PBX3: variants seen among roughly 807,000 people sequenced by gnomAD.
PBX3 encodes pre-B-cell leukemia transcription factor 3.
A neutral mutation model predicts 48.5 loss-of-function variants in PBX3; 14 were observed. The ratio of observed to expected loss-of-function variants is 0.29; its 90% CI spans 0.19 to 0.45. The LOEUF is 0.45. Among genes scored for constraint, PBX3 ranks in the 20% least tolerant of loss-of-function variants. The pLI is 1.00. For missense variants in PBX3, 386 were observed against 546.7 expected (o/e 0.71, Z 2.93); for synonymous variants, 210 against 200.3 (o/e 1.05, Z -0.41).
intron 2 of PBX3, among the ~76,000 whole-genome samples, chr9:125,831,427 GT>G (rs573089500): frequency 4.0e-4 from 57 of 143,758 alleles, no homozygotes; most frequent in Middle Eastern, 7.3e-3. Flanking sequence ...TAGCCAGAAT[GT>G]TTTTTTTTTT....
chr9:125,934,256 C>T (rs1029510848), intron 4 of PBX3, among the ~76,000 whole-genome samples: 1 of 152,140 alleles, frequency 6.6e-6, no homozygotes, highest in Non-Finnish European at 1.5e-5. Context: ...CATACTTAAC[C>T]TGCCATATGA....
At chr9:125,821,953 A>C (rs1838665112) in intron 2 of PBX3, among the ~76,000 whole-genome samples, 1 of 152,108 alleles carries the variant, frequency 6.6e-6, no homozygotes, top group South Asian at 2.1e-4. Flanking sequence ...GAATATCAAG[A>C]GAGATGGGTA....
chr9:125,750,396 G>A (rs1836338253), intron 2 of PBX3, among the ~76,000 whole-genome samples: 1 of 152,196 alleles, frequency 6.6e-6, no homozygotes, highest in South Asian at 2.1e-4. Flanking sequence ...TTCATGTTGA[G>A]ACATTTAGCA....
intron 2 of PBX3, among the ~76,000 whole-genome samples, chr9:125,871,455 A>G (rs1588242923): frequency 6.6e-6 from 1 of 152,206 alleles, no homozygotes; most frequent in Admixed American, 6.5e-5. Context: ...GAATAGGTCA[A>G]CAATGGAATA....
At chr9:125,937,010 G>A (rs1841851165) in intron 5 of PBX3, among the ~76,000 whole-genome samples, 1 of 152,144 alleles carries the variant, frequency 6.6e-6, no homozygotes, top group African/African-American at 2.4e-5. Flanking sequence ...GCCGAACACC[G>A]GATGATGATG....
At chr9:125,834,932 G>T (rs1413801584) in intron 2 of PBX3, among the ~76,000 whole-genome samples, 1 of 138,870 alleles carries the variant, frequency 7.2e-6, no homozygotes, top group African/African-American at 2.6e-5. Context: ...CAGGAGAATC[G>T]CTTGAATCTG....
At chr9:125,867,091 AAAT>A (rs1839999984) in intron 2 of PBX3, among the ~76,000 whole-genome samples, 1 of 152,196 alleles carries the variant, frequency 6.6e-6, no homozygotes, top group South Asian at 2.1e-4. Context: ...CATTTGACAA[AAAT>A]AATACCATGA....
intron 2 of PBX3, among the ~76,000 whole-genome samples, chr9:125,777,015 C>CTTT (rs11446623): frequency 6.9e-6 from 1 of 145,860 alleles, no homozygotes; most frequent in Admixed American, 6.9e-5. Context: ...CTTTTCTTTT[C>CTTT]TTTTTTTTTT....
At chr9:125,769,525 G>A (rs1400507245) in intron 2 of PBX3, among the ~76,000 whole-genome samples, 3 of 152,152 alleles carry the variant, frequency 2.0e-5, no homozygotes, top group Non-Finnish European at 4.4e-5. Flanking sequence ...CAGGTTTTTA[G>A]TATGCTGATC....
intron 4 of PBX3, among the ~76,000 whole-genome samples, chr9:125,931,597 AT>A (rs1687976110): frequency 6.6e-6 from 1 of 152,142 alleles, no homozygotes; most frequent in African/African-American, 2.4e-5. Flanking sequence ...CCAACTATTA[AT>A]TTTCATATAA....
intron 4 of PBX3, among the ~76,000 whole-genome samples, chr9:125,934,852 G>A (rs1841799560): frequency 6.6e-6 from 1 of 152,010 alleles, no homozygotes; most frequent in South Asian, 2.1e-4. Context: ...TCTTCATTTT[G>A]ACCAGTGCAA....
chr9:125,881,477 T>C lies in PBX3; in HGVS notation c.275-34209T>C, dbSNP rs544268213. 2.6e-5 allele frequency among the ~76,000 whole-genome samples: 4 copies of C among 152,364 alleles called. No individual in the cohort carries two copies. The South Asian group carries it at 8.3e-4, about 32-fold the overall frequency. The stretch of plus-strand genomic sequence containing the variant: ...TTCTGGCAGAATTTAAAAACAATAA[T>C]AACTCATCACCAATTTAATTCAATT... On this transcript the variant is annotated intron_variant, in intron 2 of 8. Coordinates refer to ENST00000373489, the MANE Select transcript of PBX3 (RefSeq NM_006195.6).
chr9:125,960,189 A>C (rs1842396283), intron 5 of PBX3, among the ~76,000 whole-genome samples: 1 of 152,238 alleles, frequency 6.6e-6, no homozygotes, highest in South Asian at 2.1e-4. Context: ...CTGAGGCAAA[A>C]GACAAAGGGT....
intron 2 of PBX3, among the ~76,000 whole-genome samples, chr9:125,781,545 G>C (rs1387649232): frequency 6.5e-5 from 9 of 138,084 alleles, no homozygotes; most frequent in Admixed American, 6.0e-4. Context: ...AGGGAGAGGG[G>C]AGAGGGGAGA....
chr9:125,793,996 G>A (rs913308523), intron 2 of PBX3, among the ~76,000 whole-genome samples: 7 of 152,204 alleles, frequency 4.6e-5, no homozygotes, highest in African/African-American at 1.7e-4. Context: ...ACTTAAATTT[G>A]TGTGATAACA....
intron 5 of PBX3, among the ~76,000 whole-genome samples, chr9:125,955,199 G>A (rs1183594642): frequency 6.6e-6 from 1 of 152,104 alleles, no homozygotes; most frequent in Admixed American, 6.5e-5. Context: ...TTTCAGCTCT[G>A]TCCCCTGCAC....
At chr9:125,960,572 G>T in intron 5 of PBX3, 112 bp from the exon 6 acceptor site, 1 of 884,710 alleles carries the variant, frequency 1.1e-6, no homozygotes, top group Non-Finnish European at 1.8e-6. Flanking sequence ...GAGGTTGCAG[G>T]CTAGGAATTG....
At chr9:125,837,766 A>G (rs1588204095) in intron 2 of PBX3, among the ~76,000 whole-genome samples, 2 of 151,758 alleles carry the variant, frequency 1.3e-5, no homozygotes, top group East Asian at 3.9e-4. Flanking sequence ...AATTTTTTGT[A>G]TTTTTAGTAG....
chr9:125,772,672 T>C (rs1836970002), intron 2 of PBX3, among the ~76,000 whole-genome samples: 1 of 152,196 alleles, frequency 6.6e-6, no homozygotes, highest in Non-Finnish European at 1.5e-5. Flanking sequence ...GAATTAGAGG[T>C]GAATGTATGT....
Sources: gnomAD v4.1 joint callset for allele counts (sites outside exome capture counted in the v4.1 genomes callset) on GRCh38, gnomAD v4.1.1 for gene constraint, MANE v1.5 for transcripts, NCBI Gene and HGNC (gene_info 2026-07-23, HGNC 2026-07-21) for gene names.